The following CLVS1 variants were observed in gnomAD, a reference collection of about 807,000 sequenced individuals.
CLVS1 encodes clavesin 1.
A neutral mutation model predicts 33.1 loss-of-function variants in CLVS1; 10 were observed. The observed-to-expected ratio is 0.30, with a 90% CI of 0.19 to 0.51. The LOEUF (loss-of-function observed/expected upper bound fraction) is 0.51, where lower values mean the gene tolerates loss of function less well. Among genes scored for constraint, CLVS1 ranks in the 20% least tolerant of loss-of-function variants. The pLI, the probability that CLVS1 is intolerant of heterozygous loss-of-function variation, is 0.97. For missense variants in CLVS1, 343 were observed against 433.4 expected (o/e 0.79, Z 1.85); for synonymous variants, 163 against 166.1 (o/e 0.98, Z 0.14).
the CLVS1 span, among the ~76,000 whole-genome samples, chr8:61,041,931 G>C: frequency 2.0e-5 from 3 of 152,016 alleles, no homozygotes; most frequent in African/African-American, 7.2e-5. Flanking sequence ...TCCATACTGG[G>C]CTGCGGAAAC....
At chr8:61,026,282 C>A in the CLVS1 span, among the ~76,000 whole-genome samples, 5 of 152,256 alleles carry the variant, frequency 3.3e-5, no homozygotes, top group Non-Finnish European at 5.9e-5. Context: ...AGGAGAGAGG[C>A]CTGGAATGGT....
At chr8:61,391,942 G>T (rs937812179) in intron 3 of CLVS1, among the ~76,000 whole-genome samples, 1 of 152,116 alleles carries the variant, frequency 6.6e-6, no homozygotes, top group Non-Finnish European at 1.5e-5. Flanking sequence ...CTTTTCTCAG[G>T]TCAGAGCATG....
chr8:61,145,103 A>G (rs556718837), intron 2 of CLVS1, among the ~76,000 whole-genome samples: 1 of 152,206 alleles, frequency 6.6e-6, no homozygotes, highest in Non-Finnish European at 1.5e-5. Flanking sequence ...AAATTGACAA[A>G]TGAGATCTAA....
intron 1 of CLVS1, among the ~76,000 whole-genome samples, chr8:61,101,131 T>C (rs866250939): frequency 3.9e-5 from 6 of 152,152 alleles, no homozygotes; most frequent in Middle Eastern, 3.2e-3. Context: ...TGACCATACG[T>C]TTAAATATAC....
intron 2 of CLVS1, among the ~76,000 whole-genome samples, chr8:61,184,754 G>T (rs536876710): frequency 6.6e-6 from 1 of 152,160 alleles, no homozygotes. Flanking sequence ...CACAGCTGGG[G>T]TATACAAAAT....
intron 3 of CLVS1, among the ~76,000 whole-genome samples, chr8:61,423,888 A>G (rs573386855): frequency 2.2e-4 from 33 of 152,336 alleles, no homozygotes; most frequent in African/African-American, 7.9e-4. Context: ...CAAATATGAG[A>G]ATAATATTTT....
At chr8:61,021,027 CTT>C in the CLVS1 span, among the ~76,000 whole-genome samples, 1 of 152,214 alleles carries the variant, frequency 6.6e-6, no homozygotes, top group African/African-American at 2.4e-5. Context: ...GCTGCACACA[CTT>C]TTTCCTGTTC....
intron 2 of CLVS1, among the ~76,000 whole-genome samples, chr8:61,229,693 C>CA (rs1171128620): frequency 6.6e-6 from 1 of 152,224 alleles, no homozygotes; most frequent in Non-Finnish European, 1.5e-5. Context: ...TGCAGTGGCG[C>CA]AATCTTGGCT....
intron 3 of CLVS1, among the ~76,000 whole-genome samples, chr8:61,378,683 C>T (rs1813746646): frequency 6.6e-6 from 1 of 152,150 alleles, no homozygotes; most frequent in Admixed American, 6.6e-5. Context: ...GTTGACTTGG[C>T]CATGCTGAGG....
At chr8:61,066,789 G>A (rs543548717) in intron 1 of CLVS1, among the ~76,000 whole-genome samples, 1 of 152,304 alleles carries the variant, frequency 6.6e-6, no homozygotes, top group East Asian at 1.9e-4. Context: ...ACATTTCAGG[G>A]GAAAGTGTCC....
chr8:61,444,020 G>A (rs1274578314), intron 3 of CLVS1, among the ~76,000 whole-genome samples: 3 of 151,708 alleles, frequency 2.0e-5, no homozygotes, highest in Admixed American at 6.6e-5. Context: ...TTTAATTTTG[G>A]TGTCTTCATA....
intron 3 of CLVS1, among the ~76,000 whole-genome samples, chr8:61,391,846 CTA>C (rs1814317106): frequency 6.6e-6 from 1 of 152,092 alleles, no homozygotes; most frequent in Admixed American, 6.5e-5. Flanking sequence ...AAAAGAGAAT[CTA>C]TAGAGAAGAC....
intron 2 of CLVS1, among the ~76,000 whole-genome samples, chr8:61,215,444 T>C (rs1232062649): frequency 6.6e-6 from 1 of 152,206 alleles, no homozygotes. Context: ...TGATAGCCTA[T>C]GAATTCAAGC....
the CLVS1 span, among the ~76,000 whole-genome samples, chr8:61,030,202 A>G: frequency 6.6e-6 from 1 of 152,190 alleles, no homozygotes; most frequent in Admixed American, 6.5e-5. Flanking sequence ...AGAGGGCTTT[A>G]AAACATTTAA....
intron 3 of CLVS1, among the ~76,000 whole-genome samples, chr8:61,449,568 T>C (rs1294033584): frequency 2.0e-5 from 3 of 152,246 alleles, no homozygotes; most frequent in Non-Finnish European, 2.9e-5. Flanking sequence ...CCTGTGATGT[T>C]TGACTGGCAT....
chr8:61,122,901 G>C (rs149087032), intron 1 of CLVS1, among the ~76,000 whole-genome samples: 1 of 144,618 alleles, frequency 6.9e-6, no homozygotes, highest in African/African-American at 2.5e-5. Flanking sequence ...TAATGTTCGT[G>C]GTTTCTTCAG....
chr8:61,346,800 G>A (rs913678475), intron 2 of CLVS1, among the ~76,000 whole-genome samples: 7 of 152,138 alleles, frequency 4.6e-5, no homozygotes, highest in Non-Finnish European at 7.4e-5. Context: ...TCATCTAACT[G>A]TGTAAGCACA....
chr8:61,302,294 T>C (rs997856857), intron 2 of CLVS1, among the ~76,000 whole-genome samples: 35 of 152,334 alleles, frequency 2.3e-4, no homozygotes, highest in Admixed American at 2.2e-3. Context: ...TAACATATCA[T>C]ATATCATATC....
At chr8:61,202,778 C>A (rs1171105364) in intron 2 of CLVS1, 32 of 1,531,770 alleles carry the variant, frequency 2.1e-5, no homozygotes, top group Non-Finnish European at 2.9e-5. Context: ...GGAAAGCGAT[C>A]TGCCCTCGGA....
Sources: gnomAD v4.1 joint callset for allele counts (sites outside exome capture counted in the v4.1 genomes callset) on GRCh38, gnomAD v4.1.1 for gene constraint, MANE v1.5 for transcripts, NCBI Gene and HGNC (gene_info 2026-07-23, HGNC 2026-07-21) for gene names.